Variants in SFMBT2 observed in about 807,000 individuals in gnomAD.
SFMBT2 encodes the protein scm-like with four MBT domains protein 2.
A neutral mutation model predicts 110.1 loss-of-function variants in SFMBT2; 38 were observed. The observed-to-expected ratio is 0.35, with a 90% CI of 0.27 to 0.45. The LOEUF is 0.45. SFMBT2 is among the 20% of genes least tolerant of loss of function. The pLI, the probability that SFMBT2 is intolerant of heterozygous loss-of-function variation, is 1.00. For missense variants in SFMBT2, 1,011 were observed against 1,094.9 expected (o/e 0.92, Z 1.08); for synonymous variants, 425 against 425.4 (o/e 1.00, Z 0.01).
chr10:7,198,297 T>A, intron 14 of SFMBT2: 1 of 252,696 alleles, frequency 4.0e-6, no homozygotes. Context: ...TTTAGCTGTC[T>A]AGTCTCTTAC....
intron 4 of SFMBT2, among the ~76,000 whole-genome samples, chr10:7,352,022 T>A (rs529469300): frequency 6.6e-6 from 1 of 152,142 alleles, no homozygotes; most frequent in East Asian, 1.9e-4. Context: ...ATGAAGTCGC[T>A]TTTTTCTGAA....
rs562502966 is a variant in SFMBT2, at chr10:7,184,025, GT to G, written c.1808+4598del. ...CTGAACCTAAAGGAGTGGAGGCAAA[GT>G]TTTTCCTCACTGATATCAATATATG... On this transcript the variant is annotated intron_variant, in intron 16 of 20. Coordinates refer to ENST00000397167, the MANE Select transcript of SFMBT2 (RefSeq NM_001387889.1). 2.0e-4 allele frequency among the ~76,000 whole-genome samples: 31 copies of G among 152,304 alleles called. 1 individual carries two copies. The South Asian group carries it at 6.4e-3, about 32-fold the overall frequency.
chr10:7,318,673 A>T (rs1843084954), intron 4 of SFMBT2, among the ~76,000 whole-genome samples: 1 of 152,260 alleles, frequency 6.6e-6, no homozygotes, highest in Non-Finnish European at 1.5e-5. Context: ...TACACAGCCC[A>T]AATGCTGAGG....
In SFMBT2 at chr10:7,171,076, G is replaced by A; in HGVS notation, c.2416-20C>T. The A allele has an allele frequency of 6.2e-7, 1 of 1,613,890 alleles. No individual in the cohort carries two copies. Among genetic ancestry groups the A allele is most frequent in the Non-Finnish European group, 8.5e-7 (1 of 1,179,902 alleles). On this transcript the variant is annotated intron_variant, in intron 19 of 20. Transcript: ENST00000397167. This position sits in a 1 kb window ranked among gnomAD's most constrained non-coding sequence, Gnocchi z 4.9. ...CGTGTCCTGCAGAGAAAGGGCAGGA[G>A]GAGCTCAGCTGCGGCACAGTCAGCT... is the stretch of plus-strand genomic sequence containing the variant.
intron 4 of SFMBT2, among the ~76,000 whole-genome samples, chr10:7,299,095 C>G (rs1196648390): frequency 6.6e-6 from 1 of 152,154 alleles, no homozygotes; most frequent in Non-Finnish European, 1.5e-5. Context: ...ACATTCTTCT[C>G]AGTGCCACAT....
intron 4 of SFMBT2, among the ~76,000 whole-genome samples, chr10:7,296,351 T>C (rs1276811155): frequency 6.6e-6 from 1 of 152,224 alleles, no homozygotes; most frequent in Non-Finnish European, 1.5e-5. Flanking sequence ...TAGCTCCCTC[T>C]GCAGAAAAAC....
At chr10:7,281,670 T>C (rs1383899823) in intron 6 of SFMBT2, among the ~76,000 whole-genome samples, 2 of 152,134 alleles carry the variant, frequency 1.3e-5, no homozygotes, top group Non-Finnish European at 2.9e-5. Flanking sequence ...TTCTGCTGAA[T>C]GATGTAGCAG....
intron 1 of SFMBT2, among the ~76,000 whole-genome samples, chr10:7,389,359 G>C (rs547393019): frequency 2.2e-4 from 34 of 152,162 alleles, no homozygotes; most frequent in African/African-American, 7.7e-4. Context: ...CCCCAAAAAG[G>C]CTATTATTAA....
intron 11 of SFMBT2, among the ~76,000 whole-genome samples, chr10:7,207,901 T>A (rs1839204685): frequency 6.6e-6 from 1 of 152,228 alleles, no homozygotes; most frequent in Admixed American, 6.5e-5. Flanking sequence ...TTTGAACTTT[T>A]GATTGGTTCT....
At chr10:7,276,748 G>A (rs947488983) in intron 7 of SFMBT2, 144 bp downstream of exon 7, 7 of 609,546 alleles carry the variant, frequency 1.1e-5, no homozygotes, top group East Asian at 2.9e-5. Flanking sequence ...GGATGGTCTC[G>A]ATCTCCTGAT....
chr10:7,238,058 G>C (rs550168706), intron 9 of SFMBT2, among the ~76,000 whole-genome samples: 1 of 152,304 alleles, frequency 6.6e-6, no homozygotes, highest in African/African-American at 2.4e-5. Flanking sequence ...GCTGTAGGCT[G>C]TTGCCACAGT....
intron 6 of SFMBT2, among the ~76,000 whole-genome samples, chr10:7,281,691 C>G (rs947686504): frequency 6.6e-6 from 1 of 152,176 alleles, no homozygotes; most frequent in Non-Finnish European, 1.5e-5. Flanking sequence ...AATCCAGTTT[C>G]CATCTTGAAA....
intron 4 of SFMBT2, among the ~76,000 whole-genome samples, chr10:7,352,509 G>C (rs1426391163): frequency 1.3e-5 from 2 of 151,918 alleles, no homozygotes; most frequent in Non-Finnish European, 2.9e-5. Flanking sequence ...TCTTAGAAAT[G>C]GTGTCTTGCT....
chr10:7,383,455 G>C (rs548059943), intron 1 of SFMBT2, among the ~76,000 whole-genome samples: 24 of 152,188 alleles, frequency 1.6e-4, no homozygotes, highest in Non-Finnish European at 2.8e-4. Context: ...GAATGTACCA[G>C]GTACATAGCA....
At chr10:7,342,801 C>G (rs927466534) in intron 4 of SFMBT2, among the ~76,000 whole-genome samples, 1 of 152,152 alleles carries the variant, frequency 6.6e-6, no homozygotes, top group African/African-American at 2.4e-5. Flanking sequence ...CCAAAACTAT[C>G]AGGAAACAAC....
chr10:7,212,766 G>T (rs900591073), intron 11 of SFMBT2, among the ~76,000 whole-genome samples: 1 of 152,148 alleles, frequency 6.6e-6, no homozygotes, highest in Non-Finnish European at 1.5e-5. Context: ...TACAGAGGAT[G>T]GGTTGCTGAG....
intron 6 of SFMBT2, among the ~76,000 whole-genome samples, chr10:7,281,799 A>T (rs933405555): frequency 5.3e-5 from 8 of 152,168 alleles, no homozygotes; most frequent in Middle Eastern, 3.2e-3. Context: ...GATGATTTAA[A>T]TATCGGGGAA....
At chr10:7,177,922 G>C (rs1285704671) in intron 16 of SFMBT2, among the ~76,000 whole-genome samples, 1 of 152,050 alleles carries the variant, frequency 6.6e-6, no homozygotes, top group Admixed American at 6.5e-5. Flanking sequence ...CATGCACAGA[G>C]ACTAGACCAT....
chr10:7,334,232 G>A (rs1342256548), intron 4 of SFMBT2, among the ~76,000 whole-genome samples: 1 of 152,094 alleles, frequency 6.6e-6, no homozygotes, highest in Admixed American at 6.5e-5. Flanking sequence ...ACCTGGCCTG[G>A]AGAACCAGGC....
Sources: gnomAD v4.1 joint callset for allele counts (sites outside exome capture counted in the v4.1 genomes callset) on GRCh38, gnomAD v4.1.1 for gene constraint, Gnocchi (gnomAD v3.1) non-coding constraint, MANE v1.5 for transcripts, NCBI Gene and HGNC (gene_info 2026-07-23, HGNC 2026-07-21) for gene names.